The following DUSP7 variants were observed in gnomAD, a reference collection of about 807,000 sequenced individuals.
DUSP7 encodes dual specificity protein phosphatase 7.
Under a neutral mutation model 29.8 loss-of-function variants are expected in DUSP7, and 7 were observed. That is an observed-to-expected ratio of 0.24 (90% CI 0.13 to 0.44). The LOEUF (loss-of-function observed/expected upper bound fraction) is 0.44, where lower values mean the gene tolerates loss of function less well. Among genes scored for constraint, DUSP7 ranks in the 20% least tolerant of loss-of-function variants. The pLI is 1.00. For synonymous variants in DUSP7, 287 were observed against 275.4 expected, an observed-to-expected ratio of 1.04 and a Z score of -0.42; for missense variants, 400 against 583.7, an observed-to-expected ratio of 0.69 and a Z score of 3.24.
chr3:52,055,128 G>A (rs1474461174), intron 1 of DUSP7, among the ~76,000 whole-genome samples: 1 of 152,198 alleles, frequency 6.6e-6, no homozygotes, highest in Non-Finnish European at 1.5e-5. Flanking sequence ...CCCTGCGCCC[G>A]AGGGTGCCGC....
chr3:52,056,353 A>G lies in DUSP7; in HGVS notation c.14T>C (p.Leu5Pro). Residue 5 changes from leucine (L) to proline (P), a missense_variant, in exon 1 of 3, where the codon CTC (leucine) becomes CCC (proline). Leu to Pro is a moderately conservative substitution (Grantham distance 98). Transcript: ENST00000495880. The surrounding 1 kb of genome is among the most constrained non-coding windows in gnomAD (Gnocchi z 6.4). MKNQ[L>P]RGPPARAHMS... ...GTGCGCCCGCGCTGGGGGGCCGCGGAGCTGGTTTTTCATGGGGAGCGCGGG... is the reference window on the plus strand; with the variant it reads ...GTGCGCCCGCGCTGGGGGGCCGCGGGGCTGGTTTTTCATGGGGAGCGCGGG... 1 of 1,138,680 alleles carries G rather than the reference A, an allele frequency of 8.8e-7. No homozygotes were observed. The highest frequency in any genetic ancestry group is 1.1e-6 in the Non-Finnish European group (1 of 930,832). 70.5% of individuals were successfully genotyped at this position (1,138,680 alleles called of 1,614,324 possible).
At position 52,054,370 on chromosome 3, in the gene DUSP7, A is replaced by G. The variant is rs1402830468; in HGVS notation, c.522T>C (p.Gly174=). ...DGCQAYYLQG[G]FNKFQTEYSE... ...AGTACTCTGTTTGAAACTTGTTGAA[A>G]CCACCTGTGTCCAGGGTGAGACAGG... Residue 174 remains glycine, a synonymous_variant, in exon 2 of 3, where the codon GGT becomes GGC. Transcript: ENST00000495880. This position sits in a 1 kb window ranked among gnomAD's most constrained non-coding sequence, Gnocchi z 4.1. The G allele has an allele frequency of 6.6e-7, 1 of 1,524,516 alleles. No individual in the cohort carries two copies. The highest frequency in any genetic ancestry group is 2.1e-5 in the Admixed American group (1 of 47,072). The allele number at this position is 1,524,516 out of a possible 1,614,324, so 94.4% of individuals were successfully genotyped here.
Position 52,056,081 on chromosome 3 carries a change from T to C in DUSP7, c.286A>G (p.Ile96Val), listed in dbSNP as rs1437069151. 6.2e-7 allele frequency: 1 copy of C among 1,607,178 alleles called. No homozygotes were observed. Among genetic ancestry groups the C allele is most frequent in the Admixed American group, 1.7e-5 (1 of 59,558 alleles). Reference protein sequence around the residue: ...SHIETAINLAIPGLMLRRLRK... With the variant: ...SHIETAINLAVPGLMLRRLRK... Reference sequence around the variant, plus strand: ...AGGCGGCGCAACATGAGGCCCGGGATGGCCAGGTTGATGGCCGTCTCGATG... The same window carrying C: ...AGGCGGCGCAACATGAGGCCCGGGACGGCCAGGTTGATGGCCGTCTCGATG... The change falls in exon 1 of 3, where the codon ATC becomes GTC. Residue 96 changes from isoleucine (I) to valine (V), a missense_variant. Physicochemically the swap from Ile to Val is conservative, Grantham distance 29. Coordinates refer to ENST00000495880, the MANE Select transcript of DUSP7 (RefSeq NM_001947.4). This position sits in a 1 kb window ranked among gnomAD's most constrained non-coding sequence, Gnocchi z 6.4.
rs538092289 is a variant in DUSP7, at chr3:52,055,911, G to A, written c.456C>T (p.Ser152=). 1.3e-4 allele frequency: 207 copies of A among 1,559,144 alleles called. No individual in the cohort carries two copies. Among genetic ancestry groups the A allele is most frequent in the Admixed American group, 7.9e-4 (42 of 53,246 alleles). Residue 152 remains serine, a synonymous_variant, in exon 1 of 3, where the codon TCC becomes TCT. Coordinates refer to ENST00000495880, the MANE Select transcript of DUSP7 (RefSeq NM_001947.4). ...EWQPEPGAPA[S]VLGLLLQKLR... is the part of the protein sequence containing the mutation. ...GCTTCTGTAGGAGCAGGCCGAGCAC[G>A]GAGGCGGGAGCGCCGGGCTCGGGCT...
In DUSP7 at chr3:52,050,771, G is replaced by A; in HGVS notation, c.*44C>T. On this transcript the variant is annotated 3_prime_UTR_variant, in exon 3 of 3. Coordinates refer to ENST00000495880, the MANE Select transcript of DUSP7 (RefSeq NM_001947.4). This position sits in a 1 kb window ranked among gnomAD's most constrained non-coding sequence, Gnocchi z 5.0. ...GGGCTCTCCCACCTAGCCCTGTGGAGAGCCGAGCAGGGGCCTGGTGCCATG... is the reference window on the plus strand; with the variant it reads ...GGGCTCTCCCACCTAGCCCTGTGGAAAGCCGAGCAGGGGCCTGGTGCCATG... The A allele has an allele frequency of 1.9e-6, 3 of 1,574,376 alleles. No individual in the cohort carries two copies. The highest frequency in any genetic ancestry group is 2.3e-5 in the East Asian group (1 of 44,406).
In DUSP7 at chr3:52,050,803, G is replaced by A. The variant is rs751319030; in HGVS notation, c.*12C>T. ...GCAGGGGCCTGGTGCCATGCCCCCC[G>A]TGCACCAGGCCTCACGTGGACTCCA... is the stretch of plus-strand genomic sequence containing the variant. On this transcript the variant is annotated 3_prime_UTR_variant, in exon 3 of 3. Coordinates refer to ENST00000495880, the MANE Select transcript of DUSP7 (RefSeq NM_001947.4). The surrounding 1 kb of genome is among the most constrained non-coding windows in gnomAD (Gnocchi z 5.0). 216 of 1,603,590 alleles carry A rather than the reference G, an allele frequency of 1.3e-4. 1 individual carries two copies. The highest frequency in any genetic ancestry group is 1.7e-4 in the Non-Finnish European group (205 of 1,171,994).
chr3:52,056,335 C>G lies in DUSP7; in HGVS notation c.32G>C (p.Arg11Pro), dbSNP rs1175077201. The part of the protein sequence containing the change: MKNQLRGPPA[R>P]AHMSTSGAAA... ...CGCCCCCGAAGTCGACATGTGCGCC[C>G]GCGCTGGGGGGCCGCGGAGCTGGTT... is the stretch of plus-strand genomic sequence containing the variant. Residue 11 changes from arginine (R) to proline (P), a missense_variant, in exon 1 of 3, where the codon CGG (arginine) becomes CCG (proline). Arg to Pro is a moderately radical substitution (Grantham distance 103). Transcript: ENST00000495880. This position sits in a 1 kb window ranked among gnomAD's most constrained non-coding sequence, Gnocchi z 6.4. 4.3e-6 allele frequency: 5 copies of G among 1,165,482 alleles called. No individual in the cohort carries two copies. The East Asian group carries it at 1.6e-4, about 38-fold the overall frequency. The allele number at this position is 1,165,482 out of a possible 1,614,324, so 72.2% of individuals were successfully genotyped here.
chr3:52,055,082 A>C (rs191561752), intron 1 of DUSP7, among the ~76,000 whole-genome samples: 3 of 152,330 alleles, frequency 2.0e-5, no homozygotes, highest in Non-Finnish European at 4.4e-5. Flanking sequence ...ATACAGGGAC[A>C]GGAGAAATGG....
Position 52,050,515 on chromosome 3 carries a change from A to T in DUSP7, c.*300T>A. 1 of 305,464 alleles carries T rather than the reference A, an allele frequency of 3.3e-6. No individual in the cohort carries two copies. 18.9% of individuals were successfully genotyped at this position (305,464 alleles called of 1,614,324 possible). On this transcript the variant is annotated 3_prime_UTR_variant, in exon 3 of 3. Transcript: ENST00000495880. The surrounding 1 kb of genome is among the most constrained non-coding windows in gnomAD (Gnocchi z 5.0). ...GTGGATGTGTCTTTAAAAAACAGCC[A>T]AACTGGCTGGGCTGTCAGCAGAAAG... is the stretch of plus-strand genomic sequence containing the variant.
rs140763527 is a variant in DUSP7, at chr3:52,054,305, G to A, written c.587C>T (p.Pro196Leu). ...CACTGAGGTGGGTGGCGAGCTGCTC[G>A]GCGAGGAAGAGCTGTCCACGTTGGT... ...CETNVDSSSS[P>L]SSSPPTSVLG... The change falls in exon 2 of 3, where the codon CCG becomes CTG. Residue 196 changes from proline (P) to leucine (L), a missense_variant. This residue lies in a region of DUSP7 where 223 missense variants were observed against 360.9 expected (regional missense o/e 0.62). Coordinates refer to ENST00000495880, the MANE Select transcript of DUSP7 (RefSeq NM_001947.4). The surrounding 1 kb of genome is among the most constrained non-coding windows in gnomAD (Gnocchi z 4.1). 3.9e-5 allele frequency: 62 copies of A among 1,585,516 alleles called. 1 individual carries two copies. Among genetic ancestry groups the A allele is most frequent in the South Asian group, 3.7e-4 (32 of 86,670 alleles).
chr3:52,056,308 G>C lies in DUSP7; in HGVS notation c.59C>G (p.Ala20Gly). ...CCCCGCCCGGGTGCCCCCAGCCGCCGCCGCCCCCGAAGTCGACATGTGCGC... is the reference window on the plus strand; with the variant it reads ...CCCCGCCCGGGTGCCCCCAGCCGCCCCCGCCCCCGAAGTCGACATGTGCGC... ...ARAHMSTSGA[A>G]AAGGTRAGSE... Residue 20 changes from alanine (A) to glycine (G), a missense_variant, in exon 1 of 3, where the codon GCG becomes GGG. Ala to Gly is a moderately conservative substitution (Grantham distance 60). This residue lies in a region of DUSP7 where 96 missense variants were observed against 97.1 expected (regional missense o/e 0.99). Coordinates refer to ENST00000495880, the MANE Select transcript of DUSP7 (RefSeq NM_001947.4). The surrounding 1 kb of genome is among the most constrained non-coding windows in gnomAD (Gnocchi z 6.4). 1 of 1,192,950 alleles carries C rather than the reference G, an allele frequency of 8.4e-7. No individual in the cohort carries two copies. Among genetic ancestry groups the C allele is most frequent in the Non-Finnish European group, 1.0e-6 (1 of 965,206 alleles). The allele number at this position is 1,192,950 out of a possible 1,614,324, so 73.9% of individuals were successfully genotyped here. A position where few individuals can be genotyped will look rare whatever the true frequency, so the allele number is the denominator to read the frequency against.
rs1274054377 is a variant in DUSP7, at chr3:52,055,974, G to A, written c.393C>T (p.Ala131=). 5.7e-6 allele frequency: 9 copies of A among 1,577,462 alleles called. No individual in the cohort carries two copies. Residue 131 remains alanine, a synonymous_variant, in exon 1 of 3, where the codon GCC becomes GCT. Transcript: ENST00000495880. The part of the protein sequence containing the change: ...KERFATRCKA[A]TVLLYDEATA... Reference sequence around the variant, plus strand: ...TGGCCTCGTCGTAGAGCAGCACGGTGGCCGCCTTGCAGCGCGTGGCGAAGC... The same window carrying A: ...TGGCCTCGTCGTAGAGCAGCACGGTAGCCGCCTTGCAGCGCGTGGCGAAGC...
Position 52,050,896 on chromosome 3 carries a change from G to A in DUSP7, c.1179C>T (p.Asn393=). Residue 393 remains asparagine, a synonymous_variant, in exon 3 of 3, where the codon AAC becomes AAT. Coordinates refer to ENST00000495880, the MANE Select transcript of DUSP7 (RefSeq NM_001947.4). The surrounding 1 kb of genome is among the most constrained non-coding windows in gnomAD (Gnocchi z 5.0). ...RTLGLSSPCD[N]HASSEQLYFS... ...AGTAGAGCTGCTCACTCGACGCGTG[G>A]TTGTCGCACGGGCTGCTTAGCCCCA... is the stretch of plus-strand genomic sequence containing the variant. 1 of 1,614,260 alleles carries A rather than the reference G, an allele frequency of 6.2e-7. No homozygotes were observed. Among genetic ancestry groups the A allele is most frequent in the Non-Finnish European group, 8.5e-7 (1 of 1,180,050 alleles).
Position 52,050,814 on chromosome 3 carries a change from C to T in DUSP7, c.*1G>A. The T allele has an allele frequency of 6.2e-7, 1 of 1,607,160 alleles. No individual in the cohort carries two copies. The highest frequency in any genetic ancestry group is 8.5e-7 in the Non-Finnish European group (1 of 1,174,308). Reference sequence around the variant, plus strand: ...GTGCCATGCCCCCCGTGCACCAGGCCTCACGTGGACTCCAGCGTATTGAGT... The same window carrying T: ...GTGCCATGCCCCCCGTGCACCAGGCTTCACGTGGACTCCAGCGTATTGAGT... On this transcript the variant is annotated 3_prime_UTR_variant, in exon 3 of 3. Transcript: ENST00000495880. This position sits in a 1 kb window ranked among gnomAD's most constrained non-coding sequence, Gnocchi z 5.0.
chr3:52,049,732 G>A lies in DUSP7; in HGVS notation c.*1083C>T, dbSNP rs1490072194. On this transcript the variant is annotated 3_prime_UTR_variant, in exon 3 of 3. Coordinates refer to ENST00000495880, the MANE Select transcript of DUSP7 (RefSeq NM_001947.4). ...AGGAAGAGAGAGGGAGGGGGGGAGA[G>A]AGAAAGAAAGAGAGAGAGAGGGAGA... 1 of 152,104 alleles carries A rather than the reference G, an allele frequency of 6.6e-6. No individual in the cohort carries two copies. Among genetic ancestry groups the A allele is most frequent in the Non-Finnish European group, 1.5e-5 (1 of 68,028 alleles). The allele number at this position is 152,104 out of a possible 1,614,324, so 9.4% of individuals were successfully genotyped here. A position where few individuals can be genotyped will look rare whatever the true frequency, so the allele number is the denominator to read the frequency against.
At position 52,054,306 on chromosome 3, in the gene DUSP7, GCGAGGAAGAGCTGT is replaced by G. The variant is rs1464186751; in HGVS notation, c.572_585del (p.Asp191AlafsTer20). On this transcript the variant is annotated frameshift_variant, in exon 2 of 3. Transcript: ENST00000495880. LOFTEE classifies it high-confidence loss of function. This position sits in a 1 kb window ranked among gnomAD's most constrained non-coding sequence, Gnocchi z 4.1. ...ACTGAGGTGGGTGGCGAGCTGCTCG[GCGAGGAAGAGCTGT>G]CCACGTTGGTCTCGCAGTGCTCAGA... 2 of 1,582,518 alleles carry G rather than the reference GCGAGGAAGAGCTGT, an allele frequency of 1.3e-6. No homozygotes were observed. The highest frequency in any genetic ancestry group is 2.7e-5 in the African/African-American group (2 of 74,160).
At position 52,056,453 on chromosome 3, in the gene DUSP7, G is replaced by A. The variant is rs1701902170; in HGVS notation, c.-87C>T. 1.4e-6 allele frequency: 1 copy of A among 714,420 alleles called. No individual in the cohort carries two copies. The highest frequency in any genetic ancestry group is 1.9e-5 in the African/African-American group (1 of 51,374). 44.3% of individuals were successfully genotyped at this position (714,420 alleles called of 1,614,324 possible). A position where few individuals can be genotyped will look rare whatever the true frequency, so the allele number is the denominator to read the frequency against. Reference sequence around the variant, plus strand: ...CGCGCGGGCCCCAGCCGCGTCTCCGGGCGCCCGCCTCCCGCCGAGCTGCGC... The same window carrying A: ...CGCGCGGGCCCCAGCCGCGTCTCCGAGCGCCCGCCTCCCGCCGAGCTGCGC... On this transcript the variant is annotated 5_prime_UTR_variant, in exon 1 of 3. Transcript: ENST00000495880. This position sits in a 1 kb window ranked among gnomAD's most constrained non-coding sequence, Gnocchi z 6.4.
Position 52,055,500 on chromosome 3 carries a change from G to T in DUSP7, c.517+350C>A, listed in dbSNP as rs115842207. 6.7e-3 allele frequency among the ~76,000 whole-genome samples: 1,024 copies of T among 152,308 alleles called. 15 individuals carry two copies. Among genetic ancestry groups the T allele is most frequent in the African/African-American group, 0.023 (974 of 41,552 alleles). On this transcript the variant is annotated intron_variant, in intron 1 of 2. Transcript: ENST00000495880. The stretch of plus-strand genomic sequence containing the variant: ...CACGAATTCTAGGCTGGACTTGGGC[G>T]CCCTGCCGCTTTTAGGGTTCTGGGA...
intron 1 of DUSP7, among the ~76,000 whole-genome samples, chr3:52,055,409 C>T (rs540604011): frequency 2.0e-5 from 3 of 152,286 alleles, no homozygotes; most frequent in East Asian, 3.9e-4. Flanking sequence ...CCCAAATGGT[C>T]TCCATGCGCT....
Sources: allele counts gnomAD v4.1 joint callset (sites outside exome capture counted in the v4.1 genomes callset), GRCh38; gene constraint gnomAD v4.1.1; regional missense constraint gnomAD v4.1.1; non-coding constraint Gnocchi (gnomAD v3.1); transcripts MANE v1.5; gene names NCBI Gene and HGNC (gene_info 2026-07-23, HGNC 2026-07-21).